The following KSR1 variants were observed in gnomAD, a reference collection of about 807,000 sequenced individuals.
KSR1 encodes kinase suppressor of ras.
In KSR1, 35 loss-of-function variants were observed where a neutral mutation model predicts 92.9. The observed-to-expected ratio is 0.38, with a 90% CI of 0.29 to 0.50. KSR1 has a LOEUF of 0.50. Among genes scored for constraint, KSR1 ranks in the 20% least tolerant of loss-of-function variants. The pLI is 0.94. For synonymous variants in KSR1, 467 were observed against 472.6 expected (o/e 0.99, Z 0.15); for missense variants, 972 against 1,158.5 (o/e 0.84, Z 2.34).
intron 2 of KSR1, among the ~76,000 whole-genome samples, chr17:27,574,913 C>G (rs1180411257): frequency 6.6e-6 from 1 of 152,236 alleles, no homozygotes; most frequent in Non-Finnish European, 1.5e-5. Flanking sequence ...TCTTTGAACT[C>G]TCTCTGCTCT....
At chr17:27,485,117 T>C (rs1300862030) in intron 1 of KSR1, among the ~76,000 whole-genome samples, 1 of 152,188 alleles carries the variant, frequency 6.6e-6, no homozygotes, top group Non-Finnish European at 1.5e-5. Flanking sequence ...CCCTGCCTAA[T>C]ACAAGAGAGT....
At chr17:27,610,348 T>C in intron 17 of KSR1, 150 bp downstream of exon 17, 2 of 1,051,584 alleles carry the variant, frequency 1.9e-6, no homozygotes, top group Non-Finnish European at 1.4e-6. Context: ...CTGCCGCTTG[T>C]TGAGTGCATG....
At chr17:27,478,623 G>T (rs904853435) in intron 1 of KSR1, among the ~76,000 whole-genome samples, 1 of 152,052 alleles carries the variant, frequency 6.6e-6, no homozygotes, top group South Asian at 2.1e-4. Context: ...TCCTGTCTGT[G>T]GCTTCAGAGT....
At chr17:27,536,017 C>T (rs563181633) in intron 1 of KSR1, among the ~76,000 whole-genome samples, 4 of 152,354 alleles carry the variant, frequency 2.6e-5, no homozygotes, top group Admixed American at 6.5e-5. Context: ...CTGTCTGACC[C>T]ACCTCCACGG....
At chr17:27,579,608 G>T (rs866153852) in intron 3 of KSR1, 1 of 152,190 alleles carries the variant, frequency 6.6e-6, no homozygotes, top group Non-Finnish European at 1.5e-5. Flanking sequence ...TGGGCATGGT[G>T]GCCCAGGCCT....
At chr17:27,605,970 G>A (rs562403587) in intron 14 of KSR1, among the ~76,000 whole-genome samples, 157 bp downstream of exon 14, 3 of 152,316 alleles carry the variant, frequency 2.0e-5, no homozygotes, top group Middle Eastern at 3.4e-3. Context: ...TCACATAACC[G>A]CATTGACACT....
At chr17:27,623,082 T>G (rs1359782742) in intron 20 of KSR1, 1 of 586,494 alleles carries the variant, frequency 1.7e-6, no homozygotes, top group Non-Finnish European at 3.0e-6. Flanking sequence ...AGCTTGGGAC[T>G]TGGAGATGAA....
In KSR1 at chr17:27,605,506, C is replaced by A; in HGVS notation, c.1687C>A (p.Arg563Ser). 1.9e-6 allele frequency: 3 copies of A among 1,603,152 alleles called. No homozygotes were observed. Among genetic ancestry groups the A allele is most frequent in the Non-Finnish European group, 2.6e-6 (3 of 1,175,730 alleles). The change falls in exon 14 of 21, where the codon CGC (arginine) becomes AGC (serine). Residue 563 changes from arginine to serine, a missense_variant. Arg to Ser is a moderately radical substitution (Grantham distance 110, BLOSUM62 -1). Coordinates refer to ENST00000644974, the MANE Select transcript of KSR1 (RefSeq NM_001394583.1). ...CGAGGTGGACGACTTGCCGAGCTCT[C>A]GCCGGCCCTGGCGGGGCCCCATCTC... ...EDEVDDLPSS[R>S]RPWRGPISRK...
intron 1 of KSR1, among the ~76,000 whole-genome samples, chr17:27,526,078 T>TTC (rs1210828045): frequency 2.1e-4 from 17 of 82,268 alleles, no homozygotes; most frequent in South Asian, 1.7e-3. Flanking sequence ...TTCTCTTTCT[T>TTC]TCTTTCTTTC....
chr17:27,479,716 G>A (rs2068456436), intron 1 of KSR1, among the ~76,000 whole-genome samples: 2 of 152,182 alleles, frequency 1.3e-5, no homozygotes, highest in South Asian at 4.1e-4. Context: ...GTTGGAAGGA[G>A]GAAGGGCTTC....
intron 10 of KSR1, among the ~76,000 whole-genome samples, chr17:27,600,915 TGA>T (rs1399403291): frequency 6.6e-6 from 1 of 152,042 alleles, no homozygotes; most frequent in Non-Finnish European, 1.5e-5. Flanking sequence ...CAGTCACCTA[TGA>T]GAGAGAGAGA....
chr17:27,574,060 A>G (rs529451599), intron 2 of KSR1, among the ~76,000 whole-genome samples: 2 of 152,312 alleles, frequency 1.3e-5, no homozygotes, highest in African/African-American at 2.4e-5. Context: ...CATCTGGGCA[A>G]ACTGCTGAGT....
intron 2 of KSR1, among the ~76,000 whole-genome samples, chr17:27,575,314 G>GAA (rs2151148985): frequency 6.6e-6 from 1 of 152,324 alleles, no homozygotes; most frequent in East Asian, 1.9e-4. Flanking sequence ...TCCTGGAACT[G>GAA]AGGGCCCCTC....
At chr17:27,515,486 A>C (rs568776776) in intron 1 of KSR1, among the ~76,000 whole-genome samples, 1 of 152,214 alleles carries the variant, frequency 6.6e-6, no homozygotes, top group East Asian at 1.9e-4. Context: ...AAACAACTTA[A>C]TGACTTTTTC....
chr17:27,541,332 A>C (rs1252061140), intron 1 of KSR1, among the ~76,000 whole-genome samples: 2 of 152,224 alleles, frequency 1.3e-5, no homozygotes, highest in African/African-American at 4.8e-5. Flanking sequence ...GCATACTAGG[A>C]TCTTCTTAAA....
chr17:27,608,197 G>A (rs1218234333), intron 15 of KSR1, among the ~76,000 whole-genome samples, 187 bp downstream of exon 15: 1 of 152,216 alleles, frequency 6.6e-6, no homozygotes, highest in Non-Finnish European at 1.5e-5. Context: ...TCAGAGCTGG[G>A]AGCTGATTGT....
intron 1 of KSR1, among the ~76,000 whole-genome samples, chr17:27,467,353 G>A (rs2019745058): frequency 6.6e-6 from 1 of 152,212 alleles, no homozygotes; most frequent in Admixed American, 6.5e-5. Flanking sequence ...GGTGTGTAGC[G>A]GGCAAGGGAG....
chr17:27,548,847 T>G (rs552847954), intron 1 of KSR1, among the ~76,000 whole-genome samples: 1 of 151,340 alleles, frequency 6.6e-6, no homozygotes, highest in South Asian at 2.1e-4. Flanking sequence ...AAGAAAAATA[T>G]AGTGAGATAC....
At chr17:27,568,957 A>G (rs2072196426) in intron 2 of KSR1, among the ~76,000 whole-genome samples, 1 of 152,208 alleles carries the variant, frequency 6.6e-6, no homozygotes, top group Non-Finnish European at 1.5e-5. Context: ...CCAGTCCCCT[A>G]GAAGTCAAGT....
Sources: gnomAD v4.1 joint callset for allele counts (sites outside exome capture counted in the v4.1 genomes callset) on GRCh38, gnomAD v4.1.1 for gene constraint, MANE v1.5 for transcripts, NCBI Gene and HGNC (gene_info 2026-07-23, HGNC 2026-07-21) for gene names.